Variants in MITF observed in about 807,000 individuals in gnomAD.
MITF encodes the protein melanocyte inducing transcription factor, also known as microphthalmia-associated transcription factor.
A neutral mutation model predicts 60.5 loss-of-function variants in MITF; 17 were observed. That is an observed-to-expected ratio of 0.28 (90% CI 0.19 to 0.42). MITF has a LOEUF of 0.42. Among genes scored for constraint, MITF ranks in the 10% least tolerant of loss-of-function variants. MITF has a pLI of 1.00. For synonymous variants in MITF, 260 were observed against 248.5 expected (o/e 1.05, Z -0.43); for missense variants, 622 against 683.5 (o/e 0.91, Z 1.00).
At chr3:69,936,354 T>C (rs1359861603) in intron 2 of MITF, among the ~76,000 whole-genome samples, 1 of 152,124 alleles carries the variant, frequency 6.6e-6, no homozygotes, top group Non-Finnish European at 1.5e-5. Context: ...TAAAGATGAA[T>C]AGTGAATTGG....
At position 69,879,353 on chromosome 3, in the gene MITF, T is replaced by C. The variant is rs2107278495; in HGVS notation, c.324T>C (p.Ser108=). ...TCAGTGTGCCCACCACCCTTCCCTC[T>C]GCCACGCAGGTGCCGATGGAAGTCC... is the stretch of plus-strand genomic sequence containing the variant. ...INVSVPTTLP[S]ATQVPMEVLK... is the part of the protein sequence containing the mutation. Residue 108 remains serine (S), a synonymous_variant, in exon 2 of 10, where the codon TCT becomes TCC. Coordinates refer to ENST00000352241, the MANE Select transcript of MITF (RefSeq NM_001354604.2). 2 of 1,614,236 alleles carry C rather than the reference T, an allele frequency of 1.2e-6. No homozygotes were observed.
chr3:69,865,720 G>A (rs1452922692), intron 1 of MITF, among the ~76,000 whole-genome samples: 1 of 152,064 alleles, frequency 6.6e-6, no homozygotes, highest in Non-Finnish European at 1.5e-5. Flanking sequence ...TGGATCTCTA[G>A]CCTGTCAGCA....
At chr3:69,907,356 T>C (rs2065122982) in intron 2 of MITF, among the ~76,000 whole-genome samples, 1 of 152,166 alleles carries the variant, frequency 6.6e-6, no homozygotes. Context: ...ATGAACGAGT[T>C]ATTCATTGTA....
At chr3:69,775,340 T>C (rs2062456932) in intron 1 of MITF, among the ~76,000 whole-genome samples, 1 of 152,172 alleles carries the variant, frequency 6.6e-6, no homozygotes, top group Admixed American at 6.5e-5. Flanking sequence ...ACTGGTTTTC[T>C]CTCACCTATT....
At chr3:69,872,405 C>T (rs754467916) in intron 1 of MITF, among the ~76,000 whole-genome samples, 3 of 152,062 alleles carry the variant, frequency 2.0e-5, no homozygotes, top group Admixed American at 6.6e-5. Context: ...GGTCTCTAAA[C>T]ATTTTTGATC....
rs1032830819 is a variant in MITF, at chr3:69,876,765, C to G, written c.105-2369C>G. Among the ~76,000 whole-genome samples, 8 of 152,218 alleles carry G rather than the reference C, an allele frequency of 5.3e-5. No homozygotes were observed. In the East Asian group the frequency reaches 1.5e-3, roughly 29 times the overall value. On this transcript the variant is annotated intron_variant, in intron 1 of 9. Coordinates refer to ENST00000352241, the MANE Select transcript of MITF (RefSeq NM_001354604.2). ...GCCAATGTACTGGATATATTCACCA[C>G]TTTCCCATCGTATTGTCAAAGTGTT...
chr3:69,809,934 A>G (rs760805542), intron 1 of MITF, among the ~76,000 whole-genome samples: 1 of 152,196 alleles, frequency 6.6e-6, no homozygotes, highest in Non-Finnish European at 1.5e-5. Context: ...TTGACAAATT[A>G]TGAAATTTCA....
intron 1 of MITF, chr3:69,763,935 T>C: frequency 7.3e-7 from 1 of 1,362,760 alleles, no homozygotes; most frequent in African/African-American, 1.5e-5. Flanking sequence ...GTGCCTGTTT[T>C]CAAGAAGGTA....
At chr3:69,904,916 C>T (rs1284634148) in intron 2 of MITF, among the ~76,000 whole-genome samples, 1 of 152,106 alleles carries the variant, frequency 6.6e-6, no homozygotes, top group African/African-American at 2.4e-5. Context: ...GATGTTAGCG[C>T]AACCCATTCA....
At chr3:69,834,329 T>G (rs993298878) in intron 1 of MITF, among the ~76,000 whole-genome samples, 22 of 152,338 alleles carry the variant, frequency 1.4e-4, no homozygotes, top group Non-Finnish European at 2.1e-4. Context: ...ACCCATCCCC[T>G]TCCTAGTTTC....
chr3:69,829,974 A>G (rs1442259889), intron 1 of MITF, among the ~76,000 whole-genome samples: 3 of 152,102 alleles, frequency 2.0e-5, no homozygotes, highest in African/African-American at 7.2e-5. Flanking sequence ...TCCTCTAGGG[A>G]TATCATTAAA....
intron 2 of MITF, among the ~76,000 whole-genome samples, chr3:69,884,922 C>T (rs763887561): frequency 6.6e-6 from 1 of 152,108 alleles, no homozygotes; most frequent in African/African-American, 2.4e-5. Context: ...CACAACTAAG[C>T]CTATGAATTA....
intron 1 of MITF, among the ~76,000 whole-genome samples, chr3:69,872,562 T>C (rs1224882338): frequency 1.3e-5 from 2 of 152,146 alleles, no homozygotes; most frequent in African/African-American, 2.4e-5. Context: ...TATGAAGAAA[T>C]GTTTTAATTT....
chr3:69,866,830 C>CTT (rs35550619), intron 1 of MITF, among the ~76,000 whole-genome samples: 5 of 139,448 alleles, frequency 3.6e-5, no homozygotes, highest in Admixed American at 1.4e-4. Flanking sequence ...CTCCCCCCAC[C>CTT]TTTTTTTTTT....
At chr3:69,889,678 C>T (rs929889027) in intron 2 of MITF, among the ~76,000 whole-genome samples, 3 of 151,968 alleles carry the variant, frequency 2.0e-5, no homozygotes, top group Admixed American at 6.6e-5. Flanking sequence ...CCAATTTGGA[C>T]ACTAAATTTT....
intron 1 of MITF, among the ~76,000 whole-genome samples, chr3:69,841,452 C>T (rs951012037): frequency 5.9e-5 from 9 of 152,148 alleles, no homozygotes; most frequent in African/African-American, 9.7e-5. Context: ...TAATACAAGT[C>T]CATTTTCTTT....
intron 7 of MITF, among the ~76,000 whole-genome samples, chr3:69,955,608 G>A (rs1256239255): frequency 6.6e-6 from 1 of 151,982 alleles, no homozygotes; most frequent in Non-Finnish European, 1.5e-5. Flanking sequence ...GAGGTCAGGA[G>A]CTCGAGACCA....
At chr3:69,955,057 C>T (rs74831342) in intron 7 of MITF, among the ~76,000 whole-genome samples, 7,578 of 152,238 alleles carry the variant, frequency 0.05, 282 homozygotes, top group Non-Finnish European at 0.068. Context: ...CCCCTAAGAA[C>T]ATGATAGTTG....
chr3:69,959,015 A>AG (rs1356307967), intron 8 of MITF, among the ~76,000 whole-genome samples: 1 of 5,776 alleles, frequency 1.7e-4, no homozygotes, highest in African/African-American at 7.9e-4. Context: ...GAAGGGAGGG[A>AG]GGGGGTGGGA....
Sources: gnomAD v4.1 joint callset for allele counts (sites outside exome capture counted in the v4.1 genomes callset) on GRCh38, gnomAD v4.1.1 for gene constraint, MANE v1.5 for transcripts, NCBI Gene and HGNC (gene_info 2026-07-23, HGNC 2026-07-21) for gene names.